KCNK13: variants seen among roughly 807,000 people sequenced by gnomAD.
The protein encoded by KCNK13 is potassium channel subfamily K member 13.
Under a neutral mutation model 23.4 loss-of-function variants are expected in KCNK13, and 12 were observed. That is an observed-to-expected ratio of 0.51 (90% confidence interval 0.33 to 0.83). The LOEUF is 0.83. KCNK13 is among the 40% of genes least tolerant of loss of function. The probability of loss-of-function intolerance (pLI) is 0.02; values close to 1 mark genes in which losing one functional copy is unlikely to be tolerated. For missense variants in KCNK13, 463 were observed against 556.3 expected (o/e 0.83, Z 1.69); for synonymous variants, 231 against 229.5 (o/e 1.01, Z -0.06).
chr14:90,093,188 CACAGCCAGCAGAAAG>C (rs1889369541), intron 1 of KCNK13, among the ~76,000 whole-genome samples: 1 of 152,144 alleles, frequency 6.6e-6, no homozygotes, highest in African/African-American at 2.4e-5. Flanking sequence ...CTCCTCACTG[CACAGCCAGCAGAAAG>C]AGAGGCAGAT....
At chr14:90,087,154 ATT>A (rs1555401789) in intron 1 of KCNK13, among the ~76,000 whole-genome samples, 2,216 of 107,530 alleles carry the variant, frequency 0.021, 37 homozygotes, top group East Asian at 0.1. Context: ...ATATATATAT[ATT>A]TTTTTTTTTT....
chr14:90,064,763 G>A (rs1478757693), intron 1 of KCNK13, among the ~76,000 whole-genome samples: 3 of 152,222 alleles, frequency 2.0e-5, no homozygotes, highest in Non-Finnish European at 2.9e-5. Context: ...TGATGTCAGT[G>A]TGGGCTGATT....
chr14:90,082,213 C>A (rs994008284), intron 1 of KCNK13, among the ~76,000 whole-genome samples: 1 of 151,794 alleles, frequency 6.6e-6, no homozygotes, highest in South Asian at 2.1e-4. Flanking sequence ...AGGCATATGC[C>A]ACCACACCCA....
chr14:90,127,637 A>AC (rs1210202397), intron 1 of KCNK13, among the ~76,000 whole-genome samples: 2 of 114,152 alleles, frequency 1.8e-5, no homozygotes, highest in Middle Eastern at 3.7e-3. Context: ...ACATCTCAAG[A>AC]CCCCCAACTC....
At chr14:90,144,068 G>A (rs60537763) in intron 1 of KCNK13, among the ~76,000 whole-genome samples, 9,884 of 152,142 alleles carry the variant, frequency 0.065, 417 homozygotes, top group South Asian at 0.21. Context: ...ATTTCCATGT[G>A]CATTTTATAA....
At chr14:90,151,688 C>G (rs1890135599) in intron 1 of KCNK13, among the ~76,000 whole-genome samples, 1 of 151,982 alleles carries the variant, frequency 6.6e-6, no homozygotes, top group African/African-American at 2.4e-5. Context: ...GAGTCATATC[C>G]AAAAAATCAT....
rs184388296 is a variant in KCNK13, at chr14:90,152,484, G to A, written c.335-31627G>A. Among the ~76,000 whole-genome samples, 135 of 152,130 alleles carry A rather than the reference G, an allele frequency of 8.9e-4. 1 individual carries two copies. The highest frequency in any genetic ancestry group is 3.2e-3 in the African/African-American group (132 of 41,508). On this transcript the variant is annotated intron_variant, in intron 1 of 1. Coordinates refer to ENST00000282146, the MANE Select transcript of KCNK13 (RefSeq NM_022054.4). ...CGGGAGGTGGAGGTTGTGGTGACCC[G>A]AGATCGCGCCATTGCACTGCAGCCT...
intron 1 of KCNK13, among the ~76,000 whole-genome samples, chr14:90,165,994 T>C (rs1890297819): frequency 1.3e-5 from 2 of 152,254 alleles, no homozygotes; most frequent in Non-Finnish European, 2.9e-5. Context: ...CTGTGATTTG[T>C]AGTAATGCAG....
chr14:90,090,583 G>A (rs1023737764), intron 1 of KCNK13, among the ~76,000 whole-genome samples: 2 of 152,328 alleles, frequency 1.3e-5, no homozygotes, highest in South Asian at 4.1e-4. Context: ...AGGCATGATT[G>A]GTTTTGAAAT....
chr14:90,129,305 G>C (rs1042337623), intron 1 of KCNK13, among the ~76,000 whole-genome samples: 3 of 152,116 alleles, frequency 2.0e-5, no homozygotes, highest in Non-Finnish European at 4.4e-5. Context: ...GTGATCAATG[G>C]CATAGTGAAC....
At chr14:90,090,075 G>T (rs1259129606) in intron 1 of KCNK13, among the ~76,000 whole-genome samples, 1 of 152,190 alleles carries the variant, frequency 6.6e-6, no homozygotes, top group African/African-American at 2.4e-5. Flanking sequence ...CCCCTACTGG[G>T]GCACCACATA....
intron 1 of KCNK13, among the ~76,000 whole-genome samples, chr14:90,134,823 G>A (rs1487502120): frequency 6.6e-6 from 1 of 152,116 alleles, no homozygotes; most frequent in Non-Finnish European, 1.5e-5. Context: ...ATATATTATG[G>A]TGAATAATAA....
rs546423368 is a variant in KCNK13, at chr14:90,101,790, C to CAAAAAA, written c.334+39268_334+39273dup. Among the ~76,000 whole-genome samples, 182 of 55,528 alleles carry CAAAAAA rather than the reference C, an allele frequency of 3.3e-3. 4 individuals are homozygous for CAAAAAA. Among genetic ancestry groups the CAAAAAA allele is most frequent in the African/African-American group, 4.8e-3 (72 of 15,134 alleles). 36.4% of individuals were successfully genotyped at this position (55,528 alleles called of 152,430 possible). On this transcript the variant is annotated intron_variant, in intron 1 of 1. Coordinates refer to ENST00000282146, the MANE Select transcript of KCNK13 (RefSeq NM_022054.4). The stretch of plus-strand genomic sequence containing the variant: ...GGGCAACAGAGTGAGACTCCGTCTC[C>CAAAAAA]AAAAAAAAAAAAAAAAAAAAAACCT...
intron 1 of KCNK13, among the ~76,000 whole-genome samples, chr14:90,087,059 C>T (rs1323064474): frequency 6.7e-6 from 1 of 149,188 alleles, no homozygotes; most frequent in African/African-American, 2.5e-5. Flanking sequence ...CTCACCACTA[C>T]CTTAAAATCA....
chr14:90,162,683 A>G (rs1890264256), intron 1 of KCNK13, among the ~76,000 whole-genome samples: 3 of 152,250 alleles, frequency 2.0e-5, no homozygotes, highest in South Asian at 4.1e-4. Context: ...AAGCACAGCC[A>G]TAAGTGAATA....
intron 1 of KCNK13, among the ~76,000 whole-genome samples, chr14:90,085,667 A>AT (rs1555401714): frequency 1.2e-4 from 17 of 141,146 alleles, no homozygotes; most frequent in African/African-American, 2.6e-4. Flanking sequence ...CTCAAAAAAA[A>AT]ATATATATAT....
At chr14:90,149,032 A>G (rs1295038230) in intron 1 of KCNK13, among the ~76,000 whole-genome samples, 1 of 152,210 alleles carries the variant, frequency 6.6e-6, no homozygotes, top group Non-Finnish European at 1.5e-5. Context: ...ACTGCTATGA[A>G]GAAATACCTA....
chr14:90,093,575 G>A lies in KCNK13; in HGVS notation c.334+31036G>A, dbSNP rs376774107. Among the ~76,000 whole-genome samples the A allele has an allele frequency of 7.2e-5, 11 of 152,094 alleles. No homozygotes were observed. In the East Asian group the frequency reaches 1.7e-3, roughly 24 times the overall value. The stretch of plus-strand genomic sequence containing the variant: ...CGAGGCACCCCTGGTCCTCCCCAGC[G>A]TGCCCAGCCTAAATTAGATGAAGTG... On this transcript the variant is annotated intron_variant, in intron 1 of 1. Coordinates refer to ENST00000282146, the MANE Select transcript of KCNK13 (RefSeq NM_022054.4).
At chr14:90,092,128 T>A (rs373098109) in intron 1 of KCNK13, among the ~76,000 whole-genome samples, 6 of 152,126 alleles carry the variant, frequency 3.9e-5, no homozygotes, top group Non-Finnish European at 8.8e-5. Flanking sequence ...TTCACCATGT[T>A]AGCCAGGATG....
Sources: allele counts gnomAD v4.1 joint callset (sites outside exome capture counted in the v4.1 genomes callset), GRCh38; gene constraint gnomAD v4.1.1; transcripts MANE v1.5; gene names NCBI Gene and HGNC (gene_info 2026-07-23, HGNC 2026-07-21).